Variants in ZNF676 observed in about 807,000 individuals in gnomAD.
ZNF676 encodes zinc finger protein 676.
In ZNF676, 4 loss-of-function variants were observed where a neutral mutation model predicts 6.0. That is an observed-to-expected ratio of 0.67 (90% CI 0.33 to 1.53). The LOEUF is 1.53. ZNF676 is among the 40% of genes most tolerant of loss of function. The pLI is 0.06. For synonymous variants in ZNF676, 198 were observed against 223.1 expected, an observed-to-expected ratio of 0.89 and a Z score of 1.00; for missense variants, 644 against 679.7, an observed-to-expected ratio of 0.95 and a Z score of 0.58.
At chr19:22,182,710 A>C (rs2023778306) in intron 2 of ZNF676, among the ~76,000 whole-genome samples, 1 of 151,646 alleles carries the variant, frequency 6.6e-6, no homozygotes, top group Non-Finnish European at 1.5e-5. Context: ...AATTCTTAAA[A>C]AGTATATTTT....
chr19:22,182,594 A>AAC (rs1213276682), intron 2 of ZNF676, among the ~76,000 whole-genome samples: 2 of 88,694 alleles, frequency 2.3e-5, no homozygotes, highest in Admixed American at 1.3e-4. Context: ...CTAAAAAAAA[A>AAC]AAAAAAAAGC....
chr19:22,197,469 T>C (rs1370105814), upstream of ZNF676, among the ~76,000 whole-genome samples: 1 of 116,346 alleles, frequency 8.6e-6, no homozygotes, highest in African/African-American at 4.3e-5. Flanking sequence ...TAATGCAATT[T>C]TTTTTTTTTC....
intron 2 of ZNF676, among the ~76,000 whole-genome samples, chr19:22,183,932 G>A (rs2023796043): frequency 6.6e-6 from 1 of 152,178 alleles, no homozygotes; most frequent in African/African-American, 2.4e-5. Flanking sequence ...GTATGTGTGT[G>A]TCTCACATTA....
the ZNF676 span, among the ~76,000 whole-genome samples, chr19:22,241,183 A>C: frequency 6.6e-6 from 1 of 151,968 alleles, no homozygotes; most frequent in East Asian, 1.9e-4. Context: ...AAGCGCTCAG[A>C]TTCTGGGCAG....
At chr19:22,199,369 T>C (rs1482167154), upstream of ZNF676, among the ~76,000 whole-genome samples, 1 of 152,220 alleles carries the variant, frequency 6.6e-6, no homozygotes, top group Non-Finnish European at 1.5e-5. Context: ...GCTGACTCTT[T>C]AAAATTTACA....
chr19:22,182,593 A>AAAAAAAAAAAAAAAAAAAAAAAAC (rs1356303631), intron 2 of ZNF676, among the ~76,000 whole-genome samples: 1 of 90,926 alleles, frequency 1.1e-5, no homozygotes, highest in Non-Finnish European at 2.1e-5. Flanking sequence ...TCTAAAAAAA[A>AAAAAAAAAAAAAAAAAAAAAAAAC]AAAAAAAAAG....
At chr19:22,200,035 A>G (rs997487326), upstream of ZNF676, among the ~76,000 whole-genome samples, 2 of 152,154 alleles carry the variant, frequency 1.3e-5, no homozygotes, top group Non-Finnish European at 2.9e-5. Flanking sequence ...AAGGCCTCCA[A>G]AAAGGGTGAA....
the ZNF676 span, among the ~76,000 whole-genome samples, chr19:22,230,996 C>G: frequency 6.6e-6 from 1 of 151,388 alleles, no homozygotes; most frequent in Admixed American, 6.6e-5. Flanking sequence ...GATAGATATT[C>G]ACATACAAAA....
At chr19:22,258,445 TG>T in the ZNF676 span, among the ~76,000 whole-genome samples, 2 of 152,152 alleles carry the variant, frequency 1.3e-5, no homozygotes, top group African/African-American at 4.8e-5. Context: ...ATGTCCCCTG[TG>T]GGCAAAACCT....
At chr19:22,219,291 G>T (rs2144851232), upstream of ZNF676, among the ~76,000 whole-genome samples, 1 of 151,934 alleles carries the variant, frequency 6.6e-6, no homozygotes, top group East Asian at 1.9e-4. Flanking sequence ...TAGAGATGGG[G>T]TTTTACCATG....
In ZNF676 at chr19:22,181,343, C is replaced by T. The variant is rs765887947; in HGVS notation, c.374G>A (p.Cys125Tyr). 15 of 1,613,684 alleles carry T rather than the reference C, an allele frequency of 9.3e-6. No homozygotes were observed. The highest frequency in any genetic ancestry group is 1.3e-5 in the Non-Finnish European group (15 of 1,179,740). The change falls in exon 3 of 3, where the codon TGT becomes TAT. Residue 125 changes from cysteine to tyrosine, a missense_variant. Cys to Tyr is a radical substitution (Grantham distance 194, BLOSUM62 -2). This residue lies in a region of ZNF676 where 280 missense variants were observed against 269.3 expected (regional missense o/e 1.04). Coordinates refer to ENST00000397121, the MANE Select transcript of ZNF676 (RefSeq NM_001001411.3). ...TATCTTATGTCTGTTTGAATTTGAA[C>T]ATTTATGAAAGACGTTTGCATATTT... ...CGKYANVFHK[C>Y]SNSNRHKIRH...
chr19:22,206,877 C>T (rs60848248), intron 1 of ZNF676, among the ~76,000 whole-genome samples: 3,671 of 152,060 alleles, frequency 0.024, 142 homozygotes, highest in African/African-American at 0.084. Context: ...GCACAAAAAG[C>T]CTTCAATAAA....
intron 2 of ZNF676, among the ~76,000 whole-genome samples, chr19:22,191,180 G>T (rs2023902504): frequency 6.6e-6 from 1 of 152,168 alleles, no homozygotes; most frequent in Non-Finnish European, 1.5e-5. Context: ...AGAGAGCTTT[G>T]AGATCCAGTG....
intron 1 of ZNF676, among the ~76,000 whole-genome samples, chr19:22,215,346 T>G (rs892804009): frequency 2.6e-5 from 4 of 152,170 alleles, no homozygotes; most frequent in Non-Finnish European, 2.9e-5. Context: ...CTCCTCTGAC[T>G]ACCCTCCCAC....
the ZNF676 span, among the ~76,000 whole-genome samples, chr19:22,257,730 C>T: frequency 6.6e-6 from 1 of 151,976 alleles, no homozygotes; most frequent in African/African-American, 2.4e-5. Flanking sequence ...AGAGAAGAGT[C>T]ATATCACCTA....
At chr19:22,199,191 G>C (rs1471486817), upstream of ZNF676, among the ~76,000 whole-genome samples, 4 of 152,264 alleles carry the variant, frequency 2.6e-5, no homozygotes, top group African/African-American at 9.6e-5. Flanking sequence ...TAATTCTGCA[G>C]GTATGGAAAG....
the ZNF676 span, among the ~76,000 whole-genome samples, chr19:22,247,890 TC>T: frequency 7.0e-5 from 9 of 127,986 alleles, no homozygotes; most frequent in East Asian, 2.5e-3. Context: ...ATGCTATCCC[TC>T]CCCCCTCCCC....
chr19:22,247,332 G>A, the ZNF676 span, among the ~76,000 whole-genome samples: 1 of 152,026 alleles, frequency 6.6e-6, no homozygotes, highest in South Asian at 2.1e-4. Flanking sequence ...GGGAGGCTGA[G>A]GCAGGTGGAT....
intron 2 of ZNF676, among the ~76,000 whole-genome samples, chr19:22,184,842 A>G (rs2023812482): frequency 2.0e-5 from 3 of 150,760 alleles, no homozygotes; most frequent in Admixed American, 1.3e-4. Flanking sequence ...AAAAAAAAAA[A>G]AAAAAAAAAA....
Sources: allele counts gnomAD v4.1 joint callset (sites outside exome capture counted in the v4.1 genomes callset), GRCh38; gene constraint gnomAD v4.1.1; regional missense constraint gnomAD v4.1.1; transcripts MANE v1.5; gene names NCBI Gene and HGNC (gene_info 2026-07-23, HGNC 2026-07-21).